The following NEK5 variants were observed in gnomAD, a reference collection of about 807,000 sequenced individuals.
The protein encoded by NEK5 is NIMA related kinase 5.
A neutral mutation model predicts 109.2 loss-of-function variants in NEK5; 88 were observed. The observed-to-expected ratio is 0.81, with a 90% confidence interval of 0.68 to 0.96. NEK5 has a LOEUF of 0.96. Ranked by LOEUF, NEK5 falls within the 40% of genes least tolerant of loss-of-function variation. The pLI is 0.00. For missense variants in NEK5, 834 were observed against 920.7 expected, an observed-to-expected ratio of 0.91 and a Z score of 1.22; for synonymous variants, 283 against 299.9, an observed-to-expected ratio of 0.94 and a Z score of 0.58.
chr13:52,102,714 C>A (rs1392156101), intron 9 of NEK5, among the ~76,000 whole-genome samples: 2 of 152,128 alleles, frequency 1.3e-5, no homozygotes, highest in Non-Finnish European at 2.9e-5. Flanking sequence ...AAAAAAGAAG[C>A]ACTGTGGTCC....
In NEK5 at chr13:52,089,308, G is replaced by T. The variant is rs757563268; in HGVS notation, c.1214C>A (p.Ala405Asp). 1 of 1,601,082 alleles carries T rather than the reference G, an allele frequency of 6.2e-7. No individual in the cohort carries two copies. The highest frequency in any genetic ancestry group is 8.6e-7 in the Non-Finnish European group (1 of 1,169,390). ...TTCAAATTTTCTCTGAAGGTACTCA[G>T]CAGGCCTTAGAAAATAAGAATGTTC... is the stretch of plus-strand genomic sequence containing the variant. ...RHGPSPSQWP[A>D]EYLQRKFEAQ... Residue 405 changes from alanine (A) to aspartate (D), a missense_variant, in exon 14 of 24, where the codon GCT (alanine) becomes GAT (aspartate). Around this residue, in one of 2 missense-constraint regions of NEK5, gnomAD observed 777 missense variants for 824.7 expected, o/e 0.94. Transcript: ENST00000684899.
In NEK5 at chr13:52,055,894, G is replaced by A. The variant is rs145555156; in HGVS notation, c.2111-5673C>T. Reference sequence around the variant, plus strand: ...CTACGAAGAAACTGCACCAACTAACGAGCGAAATAACCAGCTAACATCATA... The same window carrying A: ...CTACGAAGAAACTGCACCAACTAACAAGCGAAATAACCAGCTAACATCATA... On this transcript the variant is annotated intron_variant, in intron 22 of 23. Transcript: ENST00000684899. 3.3e-3 allele frequency among the ~76,000 whole-genome samples: 500 copies of A among 150,908 alleles called. 3 individuals are homozygous for A. The highest frequency in any genetic ancestry group is 0.011 in the African/African-American group (446 of 41,052).
At chr13:52,063,272 G>A (rs901393003) in intron 21 of NEK5, among the ~76,000 whole-genome samples, 88 of 152,320 alleles carry the variant, frequency 5.8e-4, no homozygotes, top group Non-Finnish European at 1.1e-3. Flanking sequence ...ACGGGGTTTC[G>A]CTGTGTTGGC....
chr13:52,120,315 T>C (rs564860426), intron 3 of NEK5, among the ~76,000 whole-genome samples: 1 of 152,178 alleles, frequency 6.6e-6, no homozygotes, highest in African/African-American at 2.4e-5. Flanking sequence ...CAAAAACAGC[T>C]AAATTACTCC....
intron 11 of NEK5, among the ~76,000 whole-genome samples, chr13:52,100,518 TC>T (rs1308765759): frequency 7.2e-5 from 11 of 152,204 alleles, no homozygotes; most frequent in African/African-American, 2.7e-4. Flanking sequence ...CTCCTTGGCC[TC>T]CCAAAGTGCC....
chr13:52,094,860 T>C (rs1453361343), intron 12 of NEK5, among the ~76,000 whole-genome samples: 1 of 152,246 alleles, frequency 6.6e-6, no homozygotes, highest in Non-Finnish European at 1.5e-5. Flanking sequence ...TAAGTAAATG[T>C]ATAAAATTTA....
intron 19 of NEK5, among the ~76,000 whole-genome samples, chr13:52,073,553 G>C (rs1208662741): frequency 6.6e-6 from 1 of 152,074 alleles, no homozygotes; most frequent in Non-Finnish European, 1.5e-5. Flanking sequence ...CTGATCTCAT[G>C]ATCTGCCCGT....
intron 14 of NEK5, among the ~76,000 whole-genome samples, chr13:52,087,914 CAA>C (rs1955187683): frequency 7.1e-6 from 1 of 141,582 alleles, no homozygotes; most frequent in Non-Finnish European, 1.5e-5. Flanking sequence ...CATGAGCCAT[CAA>C]GCCCAGCCTT....
At chr13:52,054,680 C>T (rs1311284188) in intron 22 of NEK5, among the ~76,000 whole-genome samples, 2 of 152,026 alleles carry the variant, frequency 1.3e-5, no homozygotes, top group Admixed American at 1.3e-4. Flanking sequence ...CACCCCCCAG[C>T]AGGGGCAGAC....
chr13:52,042,793 G>A (rs1210174173), intron 23 of NEK5, among the ~76,000 whole-genome samples: 1 of 151,934 alleles, frequency 6.6e-6, no homozygotes, highest in Admixed American at 6.6e-5. Flanking sequence ...AATATAATCT[G>A]TATCTTCAAA....
At chr13:52,115,266 T>C (rs192961455) in intron 4 of NEK5, among the ~76,000 whole-genome samples, 1 of 151,788 alleles carries the variant, frequency 6.6e-6, no homozygotes, top group South Asian at 2.1e-4. Flanking sequence ...CTCCCAAAGT[T>C]CTGGGATTAC....
At chr13:52,121,252 G>A (rs192895461) in intron 3 of NEK5, among the ~76,000 whole-genome samples, 1 of 150,658 alleles carries the variant, frequency 6.6e-6, no homozygotes, top group Non-Finnish European at 1.5e-5. Flanking sequence ...TCTGCCCACT[G>A]AGCTCAAGTG....
intron 16 of NEK5, among the ~76,000 whole-genome samples, chr13:52,084,095 G>A (rs1026528786): frequency 2.6e-5 from 4 of 152,066 alleles, no homozygotes; most frequent in Admixed American, 6.5e-5. Flanking sequence ...ATAAATACCC[G>A]CTACCTGCTC....
chr13:52,035,530 C>T lies in NEK5; in HGVS notation c.*1418G>A, dbSNP rs1163152415. On this transcript the variant is annotated 3_prime_UTR_variant, in exon 24 of 24. Coordinates refer to ENST00000684899, the MANE Select transcript of NEK5 (RefSeq NM_001365552.1). ...AGTATTTAAATAAACATCTGTTAAGCTCCAGGCCATGTTCAACGTTGGAAT... is the reference window on the plus strand; with the variant it reads ...AGTATTTAAATAAACATCTGTTAAGTTCCAGGCCATGTTCAACGTTGGAAT... 2.0e-5 allele frequency: 3 copies of T among 152,156 alleles called. No homozygotes were observed. The highest frequency in any genetic ancestry group is 4.4e-5 in the Non-Finnish European group (3 of 68,020). 9.4% of individuals were successfully genotyped at this position (152,156 alleles called of 1,614,324 possible). A position where few individuals can be genotyped will look rare whatever the true frequency, so the allele number is the denominator to read the frequency against.
chr13:52,078,432 G>A (rs1181976913), intron 17 of NEK5, among the ~76,000 whole-genome samples: 1 of 152,294 alleles, frequency 6.6e-6, no homozygotes, highest in East Asian at 1.9e-4. Flanking sequence ...GAATAAGAGA[G>A]AGGAGTTTAC....
intron 4 of NEK5, among the ~76,000 whole-genome samples, chr13:52,117,334 G>T (rs774098139): frequency 4.6e-5 from 7 of 152,168 alleles, no homozygotes; most frequent in Non-Finnish European, 7.3e-5. Flanking sequence ...GAGGCTACAA[G>T]GCCTCTGAGG....
chr13:52,049,870 C>G (rs1452339391), intron 23 of NEK5, among the ~76,000 whole-genome samples: 1 of 152,180 alleles, frequency 6.6e-6, no homozygotes, highest in East Asian at 1.9e-4. Flanking sequence ...AGGACTGGCC[C>G]CACCAGGTAT....
intron 7 of NEK5, among the ~76,000 whole-genome samples, chr13:52,108,706 G>T (rs950308165): frequency 6.6e-6 from 1 of 152,106 alleles, no homozygotes; most frequent in African/African-American, 2.4e-5. Context: ...TTATCAAATT[G>T]CAACCTCATG....
intron 22 of NEK5, among the ~76,000 whole-genome samples, chr13:52,050,479 G>C (rs904258872): frequency 2.6e-5 from 4 of 151,888 alleles, no homozygotes; most frequent in Non-Finnish European, 5.9e-5. Flanking sequence ...GAAAATCTTT[G>C]TGTAAAAAAA....
Sources: allele counts gnomAD v4.1 joint callset (sites outside exome capture counted in the v4.1 genomes callset), GRCh38; gene constraint gnomAD v4.1.1; regional missense constraint gnomAD v4.1.1; transcripts MANE v1.5; gene names NCBI Gene and HGNC (gene_info 2026-07-23, HGNC 2026-07-21).